Variants in CNTNAP5 observed in about 807,000 individuals in gnomAD.
The protein encoded by CNTNAP5 is contactin-associated protein-like 5.
In CNTNAP5, 72 loss-of-function variants were observed where a neutral mutation model predicts 150.2. The observed-to-expected ratio is 0.48, with a 90% CI of 0.40 to 0.58. The LOEUF is 0.58. Among genes scored for constraint, CNTNAP5 ranks in the 20% least tolerant of loss-of-function variants. CNTNAP5 has a pLI of 0.00. For synonymous variants in CNTNAP5, 672 were observed against 619.8 expected (o/e 1.08, Z -1.25); for missense variants, 1,636 against 1,626.2 (o/e 1.01, Z -0.10).
intron 3 of CNTNAP5, among the ~76,000 whole-genome samples, chr2:124,416,936 C>CCT: frequency 9.4e-6 from 1 of 106,584 alleles, no homozygotes. Flanking sequence ...AGAGGGATTT[C>CCT]TTTTTTTTTT....
chr2:124,504,146 C>T, intron 7 of CNTNAP5, 146 bp from the exon 8 acceptor site: 2 of 783,866 alleles, frequency 2.6e-6, no homozygotes, highest in Non-Finnish European at 4.1e-6. Context: ...CTGAGCAAAG[C>T]CGACATTTTT....
chr2:124,586,811 A>G (rs1696547835), intron 11 of CNTNAP5, among the ~76,000 whole-genome samples: 1 of 152,210 alleles, frequency 6.6e-6, no homozygotes, highest in Non-Finnish European at 1.5e-5. Flanking sequence ...GGAACATTTG[A>G]AAGTTTGTAA....
At chr2:124,113,929 A>G (rs114298237) in intron 1 of CNTNAP5, among the ~76,000 whole-genome samples, 3 of 151,106 alleles carry the variant, frequency 2.0e-5, no homozygotes, top group Non-Finnish European at 3.0e-5. Flanking sequence ...CTCTCTCTAT[A>G]TATATATATA....
chr2:124,221,019 C>T (rs1249144719), intron 1 of CNTNAP5, among the ~76,000 whole-genome samples: 1 of 152,054 alleles, frequency 6.6e-6, no homozygotes, highest in African/African-American at 2.4e-5. Flanking sequence ...CCACCCTGTC[C>T]CACATTTGGG....
At position 124,025,592 on chromosome 2, in the gene CNTNAP5, C is replaced by T. The variant is rs1326051511; in HGVS notation, c.-59C>T. On this transcript the variant is annotated 5_prime_UTR_variant, in exon 1 of 24. Transcript: ENST00000682447. ...AGAGGAGAGAGACAGCGAGAAGAAG[C>T]CGCGGCTGGCTACTGCGAATTTGGG... is the stretch of plus-strand genomic sequence containing the variant. 1 of 1,503,012 alleles carries T rather than the reference C, an allele frequency of 6.7e-7. No homozygotes were observed. The highest frequency in any genetic ancestry group is 9.3e-7 in the Non-Finnish European group (1 of 1,079,064). 93.1% of individuals were successfully genotyped at this position (1,503,012 alleles called of 1,614,324 possible). A position where few individuals can be genotyped will look rare whatever the true frequency, so the allele number is the denominator to read the frequency against.
chr2:124,228,806 C>T (rs1686535634), intron 2 of CNTNAP5, among the ~76,000 whole-genome samples: 1 of 152,118 alleles, frequency 6.6e-6, no homozygotes, highest in Non-Finnish European at 1.5e-5. Flanking sequence ...CAAGGAACAT[C>T]CTGGTATCCC....
At position 124,186,022 on chromosome 2, in the gene CNTNAP5, A is replaced by G. The variant is rs1685325535; in HGVS notation, c.83-35683A>G. Among the ~76,000 whole-genome samples, 3 of 152,268 alleles carry G rather than the reference A, an allele frequency of 2.0e-5. No individual in the cohort carries two copies. The South Asian group carries it at 6.2e-4, about 31-fold the overall frequency. On this transcript the variant is annotated intron_variant, in intron 1 of 23. Transcript: ENST00000682447. The stretch of plus-strand genomic sequence containing the variant: ...ACGTTTACTATGTATTGTATAGAGC[A>G]GCTATTCTCATGGTAACCATGCCAA...
chr2:124,893,918 A>T (rs1678251937), intron 21 of CNTNAP5, among the ~76,000 whole-genome samples: 1 of 152,182 alleles, frequency 6.6e-6, no homozygotes, highest in Admixed American at 6.5e-5. Flanking sequence ...AAAAATGTAT[A>T]TGATAAAATT....
chr2:124,275,486 C>CAAA (rs111520969), intron 3 of CNTNAP5, among the ~76,000 whole-genome samples: 1 of 151,832 alleles, frequency 6.6e-6, no homozygotes, highest in Non-Finnish European at 1.5e-5. Context: ...AAATCCAGCA[C>CAAA]AAAAAAAATC....
chr2:124,897,128 T>C (rs1678322627), intron 21 of CNTNAP5, among the ~76,000 whole-genome samples: 1 of 151,586 alleles, frequency 6.6e-6, no homozygotes, highest in African/African-American at 2.4e-5. Context: ...GAAAATGTGT[T>C]CTTTAAATTG....
intron 3 of CNTNAP5, among the ~76,000 whole-genome samples, chr2:124,305,670 G>A (rs13413408): frequency 3.5e-4 from 53 of 152,198 alleles, no homozygotes; most frequent in East Asian, 5.8e-4. Flanking sequence ...GTGTGACCTT[G>A]TTATAAAAGT....
At chr2:124,604,105 T>C (rs1697049038) in intron 11 of CNTNAP5, among the ~76,000 whole-genome samples, 1 of 152,220 alleles carries the variant, frequency 6.6e-6, no homozygotes, top group African/African-American at 2.4e-5. Flanking sequence ...TGCATTAATT[T>C]GCTTCTTGCA....
intron 1 of CNTNAP5, among the ~76,000 whole-genome samples, chr2:124,087,449 C>A (rs550655721): frequency 6.6e-6 from 1 of 151,676 alleles, no homozygotes; most frequent in East Asian, 1.9e-4. Flanking sequence ...TTTGGCTGGG[C>A]GTAGTTGCTC....
chr2:124,258,924 G>C (rs1000609781), intron 3 of CNTNAP5, among the ~76,000 whole-genome samples: 10 of 151,542 alleles, frequency 6.6e-5, no homozygotes, highest in African/African-American at 2.4e-4. Context: ...TGTTACATAT[G>C]TATACATGTA....
Position 124,035,910 on chromosome 2 carries a change from CTTTTTTTTTT to C in CNTNAP5, c.82+10194_82+10203del, listed in dbSNP as rs759598012. 1.6e-4 allele frequency among the ~76,000 whole-genome samples: 12 copies of C among 76,536 alleles called. No individual in the cohort carries two copies. The Admixed American group carries it at 1.9e-3, about 12-fold the overall frequency. The allele number at this position is 76,536 out of a possible 152,430, so 50.2% of individuals were successfully genotyped here. A position where few individuals can be genotyped will look rare whatever the true frequency, so the allele number is the denominator to read the frequency against. On this transcript the variant is annotated intron_variant, in intron 1 of 23. Transcript: ENST00000682447. ...GTTGCTGCATTTCCCAGGATGAACT[CTTTTTTTTTT>C]TTTTTTTTTTTTTTTGAGACGGAGT...
chr2:124,638,239 G>GATACATATATA (rs1558715156), intron 12 of CNTNAP5, among the ~76,000 whole-genome samples: 1 of 147,306 alleles, frequency 6.8e-6, no homozygotes, highest in African/African-American at 2.5e-5. Flanking sequence ...ACATATATAT[G>GATACATATATA]TAACTTCTCT....
Position 124,687,895 on chromosome 2 carries a change from CT to C in CNTNAP5, c.2077+39939del, listed in dbSNP as rs11296987. Among the ~76,000 whole-genome samples the C allele has an allele frequency of 6.9e-3, 1,049 of 152,138 alleles. 12 individuals carry two copies. Among genetic ancestry groups the C allele is most frequent in the African/African-American group, 0.024 (1,004 of 41,522 alleles). Reference sequence around the variant, plus strand: ...TTTGTTATACTGAGGTAGACATTTACTTATCAAATTATGTATTCAAAAATTG... The same window carrying C: ...TTTGTTATACTGAGGTAGACATTTACTATCAAATTATGTATTCAAAAATTG... On this transcript the variant is annotated intron_variant, in intron 13 of 23. Coordinates refer to ENST00000682447, the MANE Select transcript of CNTNAP5 (RefSeq NM_001367498.1).
intron 12 of CNTNAP5, among the ~76,000 whole-genome samples, chr2:124,630,610 C>T (rs1266399129): frequency 1.3e-5 from 2 of 152,102 alleles, no homozygotes; most frequent in African/African-American, 4.8e-5. Flanking sequence ...AACCCACAGC[C>T]AACATCATAC....
intron 19 of CNTNAP5, among the ~76,000 whole-genome samples, 155 bp from the exon 20 acceptor site, chr2:124,865,151 G>A (rs1036013767): frequency 1.3e-5 from 2 of 151,856 alleles, no homozygotes; most frequent in African/African-American, 4.8e-5. Flanking sequence ...TTTCTTTAGG[G>A]ACCCTGATAA....
Sources: gnomAD v4.1 joint callset for allele counts (sites outside exome capture counted in the v4.1 genomes callset) on GRCh38, gnomAD v4.1.1 for gene constraint, MANE v1.5 for transcripts, NCBI Gene and HGNC (gene_info 2026-07-23, HGNC 2026-07-21) for gene names.